The following VSNL1 variants were observed in gnomAD, a reference collection of about 807,000 sequenced individuals.
The protein encoded by VSNL1 is visinin-like protein 1.
In VSNL1, 6 loss-of-function variants were observed where a neutral mutation model predicts 20.4. That is an observed-to-expected ratio of 0.29 (90% CI 0.16 to 0.58). VSNL1 has a LOEUF of 0.58. Ranked by LOEUF, VSNL1 falls within the 20% of genes least tolerant of loss-of-function variation. VSNL1 has a pLI of 0.90. For synonymous variants in VSNL1, 93 were observed against 86.4 expected (o/e 1.08, Z -0.42); for missense variants, 100 against 234.5 (o/e 0.43, Z 3.75).
chr2:17,617,106 G>T (rs1665236267), intron 2 of VSNL1, among the ~76,000 whole-genome samples: 1 of 152,200 alleles, frequency 6.6e-6, no homozygotes, highest in South Asian at 2.1e-4. Flanking sequence ...TCTCATAGCT[G>T]TGAGAGAGGC....
chr2:17,567,353 CTTTTTTTTTTTT>C (rs57144136), intron 1 of VSNL1: 1 of 84,554 alleles, frequency 1.2e-5, no homozygotes, highest in East Asian at 3.8e-4. Context: ...TAGAGTCTCA[CTTTTTTTTTTTT>C]TTTTTTTTTT....
chr2:17,635,695 A>G (rs1051634245), intron 2 of VSNL1, among the ~76,000 whole-genome samples: 2 of 152,230 alleles, frequency 1.3e-5, no homozygotes, highest in African/African-American at 4.8e-5. Flanking sequence ...GAATTACATT[A>G]AAACAGGTAA....
chr2:17,563,558 C>G (rs771536138), intron 1 of VSNL1, among the ~76,000 whole-genome samples: 8 of 151,656 alleles, frequency 5.3e-5, no homozygotes, highest in Non-Finnish European at 1.2e-4. Flanking sequence ...TGTGTAAGTC[C>G]TTTTGAAAAA....
intron 2 of VSNL1, among the ~76,000 whole-genome samples, chr2:17,627,939 C>G (rs1665547922): frequency 6.6e-6 from 1 of 152,198 alleles, no homozygotes; most frequent in Admixed American, 6.5e-5. Context: ...TCGGCCTATG[C>G]CCAGGAATGA....
intron 2 of VSNL1, among the ~76,000 whole-genome samples, chr2:17,639,747 T>C (rs1030133729): frequency 6.6e-6 from 1 of 152,194 alleles, no homozygotes. Flanking sequence ...GTGTGTGCTT[T>C]ACACACATCA....
At chr2:17,544,134 C>T (rs1663356986) in intron 1 of VSNL1, among the ~76,000 whole-genome samples, 1 of 152,182 alleles carries the variant, frequency 6.6e-6, no homozygotes, top group Non-Finnish European at 1.5e-5. Context: ...TTTCTCATTT[C>T]AAAGAGTAGG....
At chr2:17,576,222 G>A (rs1045581927) in intron 1 of VSNL1, among the ~76,000 whole-genome samples, 9 of 152,076 alleles carry the variant, frequency 5.9e-5, no homozygotes, top group Admixed American at 2.6e-4. Context: ...TCCACTTAGC[G>A]TATCATAAGT....
chr2:17,574,156 C>T (rs1437203019), intron 1 of VSNL1, among the ~76,000 whole-genome samples: 3 of 152,190 alleles, frequency 2.0e-5, no homozygotes, highest in Non-Finnish European at 4.4e-5. Flanking sequence ...CAAGTCATAA[C>T]TGACCCGTAG....
intron 1 of VSNL1, among the ~76,000 whole-genome samples, chr2:17,556,823 G>A (rs1444396834): frequency 6.6e-6 from 1 of 152,158 alleles, no homozygotes; most frequent in African/African-American, 2.4e-5. Context: ...ACACCAAATG[G>A]TCTCTAAGAG....
At position 17,643,416 on chromosome 2, in the gene VSNL1, A is replaced by G. The variant is rs148541742; in HGVS notation, c.163-5994A>G. ...GCAGGCCAAGTGGTGAGCCTTCTGC[A>G]GCACAGCCGGCTTCAGGCAGCTTCC... On this transcript the variant is annotated intron_variant, in intron 2 of 3. Coordinates refer to ENST00000295156, the MANE Select transcript of VSNL1 (RefSeq NM_003385.5). Among the ~76,000 whole-genome samples the G allele has an allele frequency of 4.3e-3, 648 of 152,328 alleles. 7 individuals carry two copies. The highest frequency in any genetic ancestry group is 0.015 in the African/African-American group (604 of 41,580).
At chr2:17,627,357 C>T (rs1468673723) in intron 2 of VSNL1, among the ~76,000 whole-genome samples, 2 of 152,188 alleles carry the variant, frequency 1.3e-5, no homozygotes, top group African/African-American at 4.8e-5. Flanking sequence ...AATCTGTAAC[C>T]GCCCAAGGGG....
At chr2:17,611,299 G>A (rs546501039) in intron 2 of VSNL1, among the ~76,000 whole-genome samples, 51 of 152,316 alleles carry the variant, frequency 3.3e-4, no homozygotes, top group Admixed American at 2.2e-3. Context: ...ACTAAGCTGC[G>A]CATAGGTTCT....
At chr2:17,633,984 G>A (rs906530625) in intron 2 of VSNL1, among the ~76,000 whole-genome samples, 3 of 152,170 alleles carry the variant, frequency 2.0e-5, no homozygotes, top group South Asian at 2.1e-4. Context: ...CCCATGGATC[G>A]GCACCAGCTT....
intron 2 of VSNL1, among the ~76,000 whole-genome samples, chr2:17,628,298 G>A (rs1266984155): frequency 6.6e-6 from 1 of 152,244 alleles, no homozygotes; most frequent in Admixed American, 6.5e-5. Flanking sequence ...AGCATTGGAG[G>A]CAGAGGAGTG....
At chr2:17,556,160 G>T (rs1330765809) in intron 1 of VSNL1, among the ~76,000 whole-genome samples, 3 of 152,078 alleles carry the variant, frequency 2.0e-5, no homozygotes, top group Non-Finnish European at 1.5e-5. Flanking sequence ...AAGAACTCTT[G>T]GACCCTGACT....
rs193135969 is a variant in VSNL1 at position 17,586,110 on chromosome 2, A to G, written c.-5-5960A>G. 6.0e-4 allele frequency among the ~76,000 whole-genome samples: 92 copies of G among 152,248 alleles called. No individual in the cohort carries two copies. In the Middle Eastern group the frequency reaches 0.01, roughly 17 times the overall value. On this transcript the variant is annotated intron_variant, in intron 1 of 3. Coordinates refer to ENST00000295156, the MANE Select transcript of VSNL1 (RefSeq NM_003385.5). ...AGGCATAAGCCACTGCACCCGGCCAATTTTGGAATTCTTAATGCTAGTCCC... is the reference window on the plus strand; with the variant it reads ...AGGCATAAGCCACTGCACCCGGCCAGTTTTGGAATTCTTAATGCTAGTCCC...
chr2:17,545,830 T>C (rs1013123054), intron 1 of VSNL1, among the ~76,000 whole-genome samples: 2 of 152,112 alleles, frequency 1.3e-5, no homozygotes, highest in African/African-American at 4.8e-5. Context: ...CAAGAGCTGT[T>C]CTATACCCCT....
intron 2 of VSNL1, among the ~76,000 whole-genome samples, chr2:17,646,191 A>G (rs145594183): frequency 2.2e-4 from 34 of 152,358 alleles, no homozygotes; most frequent in African/African-American, 8.2e-4. Context: ...GAGTTAAAGA[A>G]TGAGTCAGAA....
chr2:17,593,115 TG>T (rs1336620004), intron 2 of VSNL1, among the ~76,000 whole-genome samples: 2 of 152,228 alleles, frequency 1.3e-5, no homozygotes, highest in African/African-American at 4.8e-5. Context: ...TATGTGTATG[TG>T]AAATGATTGA....
Sources: allele counts gnomAD v4.1 joint callset (sites outside exome capture counted in the v4.1 genomes callset), GRCh38; gene constraint gnomAD v4.1.1; transcripts MANE v1.5; gene names NCBI Gene and HGNC (gene_info 2026-07-23, HGNC 2026-07-21).